The following NME6 variants were observed in gnomAD, a reference collection of about 807,000 sequenced individuals.
The protein encoded by NME6 is nucleoside diphosphate kinase 6, mitochondrial.
A neutral mutation model predicts 22.2 loss-of-function variants in NME6; 16 were observed. The ratio of observed to expected loss-of-function variants is 0.72; its 90% CI spans 0.49 to 1.09. The LOEUF is 1.09. NME6 is among the 50% of genes least tolerant of loss of function. NME6 has a pLI of 0.00. For synonymous variants in NME6, 58 were observed against 85.2 expected, an observed-to-expected ratio of 0.68 and a Z score of 1.76; for missense variants, 229 against 239.0, an observed-to-expected ratio of 0.96 and a Z score of 0.28.
At chr3:48,296,858 A>G in intron 2 of NME6, 29 bp from the exon 3 acceptor site, 1 of 1,547,282 alleles carries the variant, frequency 6.5e-7, no homozygotes, top group Non-Finnish European at 8.9e-7. Context: ...CAAAATAAAA[A>G]TCAATCAGGA....
rs2034898579 is a variant in NME6, at chr3:48,294,913, G to A, written c.395-110C>T. The A allele has an allele frequency of 8.5e-6, 12 of 1,409,396 alleles. 1 individual carries two copies. The Middle Eastern group carries it at 2.2e-3, about 263-fold the overall frequency. 87.3% of individuals were successfully genotyped at this position (1,409,396 alleles called of 1,614,324 possible). A position where few individuals can be genotyped will look rare whatever the true frequency, so the allele number is the denominator to read the frequency against. The stretch of plus-strand genomic sequence containing the variant: ...CTACTCTGCCTGCCCCTTCAGTCCT[G>A]GGGCATGTAAAGAAAGTCCACAGGC... On this transcript the variant is annotated intron_variant, in intron 5 of 5. Coordinates refer to ENST00000442597, the MANE Select transcript of NME6 (RefSeq NM_001308426.2).
At chr3:48,300,403 G>A (rs1037026934) in intron 1 of NME6, 2 of 452,244 alleles carry the variant, frequency 4.4e-6, no homozygotes, top group Non-Finnish European at 8.9e-6. Context: ...AGTCCTGAAT[G>A]TGCTTTCTCT....
chr3:48,298,368 G>T, intron 2 of NME6, 59 bp downstream of exon 2: 1 of 1,447,382 alleles, frequency 6.9e-7, no homozygotes, highest in Non-Finnish European at 9.7e-7. Context: ...TGGCCCAATG[G>T]CACCTGAAGC....
At chr3:48,299,647 A>G (rs1016385899) in intron 1 of NME6, among the ~76,000 whole-genome samples, 1 of 152,174 alleles carries the variant, frequency 6.6e-6, no homozygotes, top group Non-Finnish European at 1.5e-5. Flanking sequence ...GAAGGCTTCC[A>G]TTAACATAGG....
intron 1 of NME6, chr3:48,300,372 C>T (rs888122368): frequency 1.1e-5 from 5 of 456,360 alleles, no homozygotes; most frequent in Non-Finnish European, 2.2e-5. Context: ...GCTTGACAGC[C>T]TTTGTGTGAG....
chr3:48,299,776 GT>G (rs370419308), intron 1 of NME6, among the ~76,000 whole-genome samples: 20 of 152,070 alleles, frequency 1.3e-4, no homozygotes, highest in African/African-American at 4.8e-4. Context: ...TCCTATTCAT[GT>G]CCTTTCTACA....
chr3:48,298,968 A>C (rs1159240591), intron 1 of NME6: 1 of 703,080 alleles, frequency 1.4e-6, no homozygotes, highest in East Asian at 2.7e-5. Context: ...TCTCCTATCA[A>C]ATCTAGAATT....
At chr3:48,300,175 C>T in intron 1 of NME6, 1 of 450,738 alleles carries the variant, frequency 2.2e-6, no homozygotes, top group Non-Finnish European at 4.5e-6. Flanking sequence ...TCATATGGTT[C>T]CCCTCCTTAA....
At chr3:48,288,272 T>C (rs1384703983), downstream of NME6, among the ~76,000 whole-genome samples, 2 of 151,482 alleles carry the variant, frequency 1.3e-5, no homozygotes, top group African/African-American at 2.4e-5. Flanking sequence ...TCCCAGCTAC[T>C]TGGGAGGCTC....
downstream of NME6, chr3:48,291,317 C>A: frequency 2.1e-6 from 1 of 477,286 alleles, no homozygotes. Flanking sequence ...CCTGTGATAT[C>A]AGAGACTAAG....
At chr3:48,295,705 C>G (rs1226055064) in intron 4 of NME6, 1 of 252,480 alleles carries the variant, frequency 4.0e-6, no homozygotes, top group Non-Finnish European at 7.6e-6. Context: ...CCATGCCTGG[C>G]TAATTTTTTG....
intron 4 of NME6, chr3:48,295,564 T>C (rs779014429): frequency 4.0e-5 from 11 of 278,422 alleles, no homozygotes; most frequent in Non-Finnish European, 7.4e-5. Context: ...TTTTTTGAGA[T>C]GGAGTCTCAC....
downstream of NME6, among the ~76,000 whole-genome samples, chr3:48,289,069 AT>A (rs35823729): frequency 2.6e-4 from 38 of 148,158 alleles, no homozygotes; most frequent in South Asian, 1.9e-3. Flanking sequence ...TTTAAAAATA[AT>A]TTTTTTTTTT....
At chr3:48,296,367 C>T (rs1013471738) in intron 3 of NME6, 12 of 672,210 alleles carry the variant, frequency 1.8e-5, no homozygotes, top group Non-Finnish European at 2.8e-5. Flanking sequence ...CTAAACTTGG[C>T]TTCCTAATCT....
Position 48,292,940 on chromosome 3 carries a change from GT to G in NME6, c.*1696del, listed in dbSNP as rs1488910837. On this transcript the variant is annotated 3_prime_UTR_variant, in exon 6 of 6. Coordinates refer to ENST00000442597, the MANE Select transcript of NME6 (RefSeq NM_001308426.2). ...TCCTTAGCCGTCATGCAAACCTGCA[GT>G]GTGTAACACTTTCCTGGGCCTGCCA... is the stretch of plus-strand genomic sequence containing the variant. 1 of 152,268 alleles carries G rather than the reference GT, an allele frequency of 6.6e-6. No homozygotes were observed. Among genetic ancestry groups the G allele is most frequent in the African/African-American group, 2.4e-5 (1 of 41,468 alleles). The allele number at this position is 152,268 out of a possible 1,614,324, so 9.4% of individuals were successfully genotyped here. A position where few individuals can be genotyped will look rare whatever the true frequency, so the allele number is the denominator to read the frequency against.
rs1207818564 is a variant in NME6, at chr3:48,292,441, G to C, written c.*2196C>G. On this transcript the variant is annotated 3_prime_UTR_variant, in exon 6 of 6. Transcript: ENST00000442597. ...TCTCTTGTGGGTGTCTTAATTGTCA[G>C]ATTTTGTACGCTTTGACCACCATTT... 1 of 152,144 alleles carries C rather than the reference G, an allele frequency of 6.6e-6. No homozygotes were observed. The highest frequency in any genetic ancestry group is 2.4e-5 in the African/African-American group (1 of 41,434). 9.4% of individuals were successfully genotyped at this position (152,144 alleles called of 1,614,324 possible).
At chr3:48,296,690 T>C (rs374581534) in intron 3 of NME6, 37 bp downstream of exon 3, 87 of 1,447,436 alleles carry the variant, frequency 6.0e-5, no homozygotes, top group African/African-American at 2.3e-4. Context: ...CCTCTTGGGA[T>C]TGAGGCACCT....
chr3:48,291,246 T>C (rs1263837879), downstream of NME6: 2 of 393,732 alleles, frequency 5.1e-6, no homozygotes, highest in African/African-American at 2.2e-5. Context: ...GGGGAACTTT[T>C]CTTTCCTTCA....
At chr3:48,300,385 G>C (rs1378793250) in intron 1 of NME6, 1 of 456,008 alleles carries the variant, frequency 2.2e-6, no homozygotes, top group Non-Finnish European at 4.4e-6. Context: ...TGTGTGAGTA[G>C]TTTTCGCAGT....
Sources: allele counts gnomAD v4.1 joint callset (sites outside exome capture counted in the v4.1 genomes callset), GRCh38; gene constraint gnomAD v4.1.1; transcripts MANE v1.5; gene names NCBI Gene and HGNC (gene_info 2026-07-23, HGNC 2026-07-21).